Variants in KLHL1 observed in about 807,000 individuals in gnomAD.
KLHL1 encodes kelch like family member 1.
A neutral mutation model predicts 77.7 loss-of-function variants in KLHL1; 47 were observed. The observed-to-expected ratio is 0.60, with a 90% CI of 0.48 to 0.77. The LOEUF is 0.77. KLHL1 is among the 30% of genes least tolerant of loss of function. KLHL1 has a pLI of 0.00. For synonymous variants in KLHL1, 360 were observed against 325.2 expected, an observed-to-expected ratio of 1.11 and a Z score of -1.15; for missense variants, 925 against 910.8, an observed-to-expected ratio of 1.02 and a Z score of -0.20.
intron 1 of KLHL1, among the ~76,000 whole-genome samples, chr13:70,010,914 TAA>T (rs1885519950): frequency 6.7e-6 from 1 of 149,992 alleles, no homozygotes; most frequent in Non-Finnish European, 1.5e-5. Context: ...ATAATAATAA[TAA>T]AATAAAATAA....
intron 8 of KLHL1, among the ~76,000 whole-genome samples, chr13:69,728,639 C>T (rs574867460): frequency 7.3e-6 from 1 of 137,704 alleles, no homozygotes; most frequent in Admixed American, 6.9e-5. Context: ...CCCGTCTCTA[C>T]TAAAAATGCC....
At chr13:69,732,202 T>C (rs779035914) in intron 8 of KLHL1, among the ~76,000 whole-genome samples, 1 of 152,152 alleles carries the variant, frequency 6.6e-6, no homozygotes, top group African/African-American at 2.4e-5. Flanking sequence ...AGGAGACTTA[T>C]GGCAAAGAAA....
chr13:69,938,096 T>C (rs1883241157), intron 4 of KLHL1, among the ~76,000 whole-genome samples: 1 of 152,112 alleles, frequency 6.6e-6, no homozygotes, highest in South Asian at 2.1e-4. Context: ...TGAGAACATA[T>C]GCCTGATTGG....
At chr13:69,830,239 T>C (rs1566301131) in intron 6 of KLHL1, among the ~76,000 whole-genome samples, 1 of 150,168 alleles carries the variant, frequency 6.7e-6, no homozygotes, top group Non-Finnish European at 1.5e-5. Flanking sequence ...AAATTTAAGG[T>C]AAATGAGTGG....
chr13:69,741,687 T>C (rs1873993405), intron 7 of KLHL1, among the ~76,000 whole-genome samples: 1 of 152,164 alleles, frequency 6.6e-6, no homozygotes. Context: ...TCATTTTCCT[T>C]AGAGCATTTA....
intron 5 of KLHL1, among the ~76,000 whole-genome samples, chr13:69,841,380 T>A (rs575978567): frequency 6.6e-6 from 1 of 151,534 alleles, no homozygotes; most frequent in African/African-American, 2.4e-5. Context: ...GAAATCAATA[T>A]ACAAAAGTCA....
chr13:69,855,869 A>AG (rs1169903886), intron 5 of KLHL1, among the ~76,000 whole-genome samples: 2 of 145,194 alleles, frequency 1.4e-5, no homozygotes, highest in African/African-American at 5.1e-5. Flanking sequence ...AATATATTAT[A>AG]TATTATATAT....
chr13:69,991,334 C>A (rs1258295168), intron 1 of KLHL1, among the ~76,000 whole-genome samples: 2 of 151,194 alleles, frequency 1.3e-5, no homozygotes, highest in Non-Finnish European at 3.0e-5. Context: ...TAGAGACACA[C>A]AAAAAAAGCA....
intron 4 of KLHL1, among the ~76,000 whole-genome samples, chr13:69,914,673 T>C (rs900607968): frequency 7.9e-5 from 12 of 152,190 alleles, no homozygotes; most frequent in African/African-American, 2.9e-4. Context: ...ATTCATGTGC[T>C]TTAGCTTATT....
intron 3 of KLHL1, among the ~76,000 whole-genome samples, chr13:69,945,345 C>T (rs1263595903): frequency 6.6e-6 from 1 of 151,248 alleles, no homozygotes; most frequent in African/African-American, 2.4e-5. Flanking sequence ...CATAATTTCT[C>T]AAAGAACAAA....
chr13:69,985,129 A>AAAC (rs148150977), intron 1 of KLHL1, among the ~76,000 whole-genome samples: 5 of 151,778 alleles, frequency 3.3e-5, no homozygotes, highest in South Asian at 2.1e-4. Flanking sequence ...ACAAACAAGC[A>AAAC]AACAACAACA....
chr13:69,819,425 GA>G (rs898682370), intron 6 of KLHL1, among the ~76,000 whole-genome samples: 1 of 152,020 alleles, frequency 6.6e-6, no homozygotes, highest in Non-Finnish European at 1.5e-5. Flanking sequence ...TTATACTTAA[GA>G]ATTAAAGCTT....
intron 7 of KLHL1, among the ~76,000 whole-genome samples, chr13:69,784,680 T>C (rs901433326): frequency 2.2e-4 from 33 of 151,392 alleles, no homozygotes; most frequent in Non-Finnish European, 4.7e-4. Flanking sequence ...CCCAGATTCA[T>C]AAAGCAAGTC....
At chr13:69,775,585 G>C (rs1048539859) in intron 7 of KLHL1, among the ~76,000 whole-genome samples, 1 of 152,072 alleles carries the variant, frequency 6.6e-6, no homozygotes, top group East Asian at 1.9e-4. Context: ...ATGGAGAAGG[G>C]TCATTTGATT....
intron 1 of KLHL1, among the ~76,000 whole-genome samples, chr13:70,098,484 A>T (rs2137451234): frequency 6.6e-6 from 1 of 152,024 alleles, no homozygotes. Context: ...AATTTACTAC[A>T]ATTTATGAGA....
At chr13:69,945,051 T>A (rs1317815351) in intron 3 of KLHL1, among the ~76,000 whole-genome samples, 1 of 139,484 alleles carries the variant, frequency 7.2e-6, no homozygotes, top group African/African-American at 2.6e-5. Context: ...AGTGGCGCCA[T>A]CTTGGATCAC....
chr13:69,868,165 TTAAA>T (rs1276182976), intron 5 of KLHL1, among the ~76,000 whole-genome samples: 1 of 152,236 alleles, frequency 6.6e-6, no homozygotes, highest in East Asian at 1.9e-4. Flanking sequence ...TCTTTATGTG[TTAAA>T]TAGATATCCA....
intron 4 of KLHL1, among the ~76,000 whole-genome samples, chr13:69,928,916 T>C (rs1023017270): frequency 2.0e-5 from 3 of 152,224 alleles, no homozygotes; most frequent in Admixed American, 2.0e-4. Context: ...ATATAAGTCA[T>C]ATCTCCACGA....
At chr13:69,994,616 A>T (rs1885105356) in intron 1 of KLHL1, among the ~76,000 whole-genome samples, 2 of 152,114 alleles carry the variant, frequency 1.3e-5, no homozygotes, top group Non-Finnish European at 2.9e-5. Flanking sequence ...GGAAAAGTAC[A>T]TTGGGAGTAC....
Sources: allele counts gnomAD v4.1 joint callset (sites outside exome capture counted in the v4.1 genomes callset), GRCh38; gene constraint gnomAD v4.1.1; transcripts MANE v1.5; gene names NCBI Gene and HGNC (gene_info 2026-07-23, HGNC 2026-07-21).